The following ZNF891 variants were observed in gnomAD, a reference collection of about 807,000 sequenced individuals.
The protein encoded by ZNF891 is hCG1646157.
For missense variants in ZNF891, 589 were observed against 632.7 expected (o/e 0.93, Z 0.74); for synonymous variants, 199 against 209.0 (o/e 0.95, Z 0.41).
In ZNF891 at chr12:133,109,004, A is replaced by G. The variant is rs1955660763; in HGVS notation, c.*11280T>C. The G allele has an allele frequency of 6.6e-6, 1 of 152,208 alleles. No individual in the cohort carries two copies. The highest frequency in any genetic ancestry group is 2.1e-4 in the South Asian group (1 of 4,836). The allele number at this position is 152,208 out of a possible 1,614,324, so 9.4% of individuals were successfully genotyped here. A position where few individuals can be genotyped will look rare whatever the true frequency, so the allele number is the denominator to read the frequency against. On this transcript the variant is annotated 3_prime_UTR_variant, in exon 2 of 2. Transcript: ENST00000537226. Reference sequence around the variant, plus strand: ...GGAAGAATTGTCTTGGGCCACATATAAAATACGTGAACACTAATGATAGCT... The same window carrying G: ...GGAAGAATTGTCTTGGGCCACATATGAAATACGTGAACACTAATGATAGCT...
At position 133,113,598 on chromosome 12, in the gene ZNF891, ATT is replaced by A. The variant is rs1326799207; in HGVS notation, c.*6684_*6685del. 1 of 152,202 alleles carries A rather than the reference ATT, an allele frequency of 6.6e-6. No individual in the cohort carries two copies. Among genetic ancestry groups the A allele is most frequent in the Admixed American group, 6.5e-5 (1 of 15,270 alleles). The allele number at this position is 152,202 out of a possible 1,614,324, so 9.4% of individuals were successfully genotyped here. On this transcript the variant is annotated 3_prime_UTR_variant, in exon 2 of 2. Transcript: ENST00000537226. ...TCACTAGGGCATGAAACAGGTGAAT[ATT>A]GTTACTTATACATGAAAAATCCTTT...
chr12:133,106,002 A>G lies in ZNF891; in HGVS notation c.*14282T>C, dbSNP rs1593811758. ...GAACACCAGAGAACGCACACTGGGGAGAAACCTTATGAATGTACTGAGTGT... is the reference window on the plus strand; with the variant it reads ...GAACACCAGAGAACGCACACTGGGGGGAAACCTTATGAATGTACTGAGTGT... On this transcript the variant is annotated 3_prime_UTR_variant, in exon 2 of 2. Transcript: ENST00000537226. 1 of 1,614,158 alleles carries G rather than the reference A, an allele frequency of 6.2e-7. No individual in the cohort carries two copies. Among genetic ancestry groups the G allele is most frequent in the Non-Finnish European group, 8.5e-7 (1 of 1,180,042 alleles).
chr12:133,105,995 A>G lies in ZNF891; in HGVS notation c.*14289T>C, dbSNP rs1955577239. The G allele has an allele frequency of 6.2e-7, 1 of 1,614,146 alleles. No individual in the cohort carries two copies. Among genetic ancestry groups the G allele is most frequent in the Non-Finnish European group, 8.5e-7 (1 of 1,180,034 alleles). ...TCTTATTGAACACCAGAGAACGCAC[A>G]CTGGGGAGAAACCTTATGAATGTAC... On this transcript the variant is annotated 3_prime_UTR_variant, in exon 2 of 2. Coordinates refer to ENST00000537226, the MANE Select transcript of ZNF891 (RefSeq NM_001277291.2).
intron 1 of ZNF891, chr12:133,122,279 AT>A (rs753767135): frequency 1.0e-6 from 1 of 983,456 alleles, no homozygotes; most frequent in Non-Finnish European, 1.2e-6. Context: ...GGCATGAGTT[AT>A]TTTTAAAAAT....
Position 133,105,536 on chromosome 12 carries a change from G to C in ZNF891, c.*14748C>G. Reference sequence around the variant, plus strand: ...TTCAGAGTCAAGTGGTGAGATCAAAGACTTTTCACCAAAAAATGTCATTTA... The same window carrying C: ...TTCAGAGTCAAGTGGTGAGATCAAACACTTTTCACCAAAAAATGTCATTTA... On this transcript the variant is annotated 3_prime_UTR_variant, in exon 2 of 2. Transcript: ENST00000537226. 6.2e-7 allele frequency: 1 copy of C among 1,609,196 alleles called. No individual in the cohort carries two copies. The highest frequency in any genetic ancestry group is 8.5e-7 in the Non-Finnish European group (1 of 1,178,346).
chr12:133,120,711 G>C lies in ZNF891; in HGVS notation c.1208C>G (p.Pro403Arg). The C allele has an allele frequency of 6.4e-7, 1 of 1,565,774 alleles. No homozygotes were observed. The highest frequency in any genetic ancestry group is 1.2e-5 in the South Asian group (1 of 85,440). Residue 403 changes from proline to arginine, a missense_variant, in exon 2 of 2, where the codon CCT (proline) becomes CGT (arginine). Transcript: ENST00000537226. ...AHMRTHTGEK[P>R]YECNQCGKSF... ...TTTTCCACACTGATTACATTCATAA[G>C]GTTTCTCTCCAGTGTGAGTTCTCAT...
Position 133,109,494 on chromosome 12 carries a change from A to AGT in ZNF891, c.*10789_*10790insAC, listed in dbSNP as rs1182935608. ...CATATGGTTGAAGCCAGTTCACTTA[A>AGT]ATATTCTCAAGTTCACTTAAATATT... On this transcript the variant is annotated 3_prime_UTR_variant, in exon 2 of 2. Transcript: ENST00000537226. 6.7e-6 allele frequency: 1 copy of AGT among 150,202 alleles called. No homozygotes were observed. The highest frequency in any genetic ancestry group is 2.1e-4 in the South Asian group (1 of 4,828). The allele number at this position is 150,202 out of a possible 1,614,324, so 9.3% of individuals were successfully genotyped here. A position where few individuals can be genotyped will look rare whatever the true frequency, so the allele number is the denominator to read the frequency against.
rs2137605840 is a variant in ZNF891 at position 133,108,673 on chromosome 12, G to A, written c.*11611C>T. 6.6e-6 allele frequency: 1 copy of A among 152,310 alleles called. No homozygotes were observed. Among genetic ancestry groups the A allele is most frequent in the East Asian group, 1.9e-4 (1 of 5,176 alleles). 9.4% of individuals were successfully genotyped at this position (152,310 alleles called of 1,614,324 possible). On this transcript the variant is annotated 3_prime_UTR_variant, in exon 2 of 2. Coordinates refer to ENST00000537226, the MANE Select transcript of ZNF891 (RefSeq NM_001277291.2). The stretch of plus-strand genomic sequence containing the variant: ...ATCTTTGCCCTCTAGTTTTTGTTGA[G>A]TGCAGCCAACATTGAGAACGTTTAC...
chr12:133,112,548 T>G lies in ZNF891; in HGVS notation c.*7736A>C, dbSNP rs1348434562. On this transcript the variant is annotated 3_prime_UTR_variant, in exon 2 of 2. Coordinates refer to ENST00000537226, the MANE Select transcript of ZNF891 (RefSeq NM_001277291.2). ...GTTGCCCAGGCTGGTCTTGAACTCT[T>G]GAGCTCAGGCAATCCACCCACCTCT... 1 of 152,422 alleles carries G rather than the reference T, an allele frequency of 6.6e-6. No homozygotes were observed. Among genetic ancestry groups the G allele is most frequent in the African/African-American group, 2.4e-5 (1 of 41,458 alleles). 9.4% of individuals were successfully genotyped at this position (152,422 alleles called of 1,614,324 possible). A position where few individuals can be genotyped will look rare whatever the true frequency, so the allele number is the denominator to read the frequency against.
intron 1 of ZNF891, chr12:133,125,542 T>C (rs1436231003): frequency 3.8e-5 from 7 of 183,012 alleles, no homozygotes; most frequent in Non-Finnish European, 6.8e-5. Context: ...AGCAAAGGCT[T>C]TGAAGGTCAA....
In ZNF891 at chr12:133,120,230, G is replaced by A; in HGVS notation, c.*54C>T. The A allele has an allele frequency of 7.3e-7, 1 of 1,368,044 alleles. No homozygotes were observed. The highest frequency in any genetic ancestry group is 9.7e-7 in the Non-Finnish European group (1 of 1,032,320). The allele number at this position is 1,368,044 out of a possible 1,614,324, so 84.7% of individuals were successfully genotyped here. On this transcript the variant is annotated 3_prime_UTR_variant, in exon 2 of 2. Transcript: ENST00000537226. Reference sequence around the variant, plus strand: ...TTTAGAGAACAAAGACTGAGACAAGGAGCTTGGAATCCACCTTAAGACAAT... The same window carrying A: ...TTTAGAGAACAAAGACTGAGACAAGAAGCTTGGAATCCACCTTAAGACAAT...
At position 133,119,730 on chromosome 12, in the gene ZNF891, C is replaced by T. The variant is rs972431669; in HGVS notation, c.*554G>A. 6 of 152,384 alleles carry T rather than the reference C, an allele frequency of 3.9e-5. No individual in the cohort carries two copies. The highest frequency in any genetic ancestry group is 1.4e-4 in the African/African-American group (6 of 41,406). The allele number at this position is 152,384 out of a possible 1,614,324, so 9.4% of individuals were successfully genotyped here. A position where few individuals can be genotyped will look rare whatever the true frequency, so the allele number is the denominator to read the frequency against. On this transcript the variant is annotated 3_prime_UTR_variant, in exon 2 of 2. Coordinates refer to ENST00000537226, the MANE Select transcript of ZNF891 (RefSeq NM_001277291.2). ...CTCTTTCAGCAGCTTCAGGAATGGC[C>T]AATTCATAGGGACAAAGATGAAGTG...
rs541958858 is a variant in ZNF891 at position 133,126,920 on chromosome 12, A to G, written c.-107+3307T>C. Among the ~76,000 whole-genome samples, 6 of 151,954 alleles carry G rather than the reference A, an allele frequency of 3.9e-5. No homozygotes were observed. The East Asian group carries it at 5.8e-4, about 15-fold the overall frequency. ...ATTTAAGGTACCCCAGATTACTCAG[A>G]GTTCCAGAAAGAAAAAACAAGAGGA... On this transcript the variant is annotated intron_variant, in intron 1 of 1. Transcript: ENST00000537226.
Position 133,119,915 on chromosome 12 carries a change from T to A in ZNF891, c.*369A>T. 1 of 172,870 alleles carries A rather than the reference T, an allele frequency of 5.8e-6. No individual in the cohort carries two copies. Among genetic ancestry groups the A allele is most frequent in the Non-Finnish European group, 1.2e-5 (1 of 80,424 alleles). The allele number at this position is 172,870 out of a possible 1,614,324, so 10.7% of individuals were successfully genotyped here. A position where few individuals can be genotyped will look rare whatever the true frequency, so the allele number is the denominator to read the frequency against. ...TCTTGGCTAAGATGGAATTCATTAG[T>A]AAGGAAAGATGAGCTCAAATGTTTG... On this transcript the variant is annotated 3_prime_UTR_variant, in exon 2 of 2. Transcript: ENST00000537226.
At chr12:133,123,094 G>T (rs1022495616) in intron 1 of ZNF891, among the ~76,000 whole-genome samples, 1 of 152,146 alleles carries the variant, frequency 6.6e-6, no homozygotes, top group Non-Finnish European at 1.5e-5. Flanking sequence ...ACCGTCAAAT[G>T]CAAGTCTTTT....
At chr12:133,124,111 CT>C in intron 1 of ZNF891, among the ~76,000 whole-genome samples, 1 of 152,092 alleles carries the variant, frequency 6.6e-6, no homozygotes. Context: ...TTATAAATCT[CT>C]AGTAAGTAAA....
At position 133,118,128 on chromosome 12, in the gene ZNF891, A is replaced by T. The variant is rs1338297528; in HGVS notation, c.*2156T>A. The T allele has an allele frequency of 4.6e-5, 7 of 152,080 alleles. No homozygotes were observed. The East Asian group carries it at 1.2e-3, about 25-fold the overall frequency. The allele number at this position is 152,080 out of a possible 1,614,324, so 9.4% of individuals were successfully genotyped here. On this transcript the variant is annotated 3_prime_UTR_variant, in exon 2 of 2. Transcript: ENST00000537226. ...ACCCGGCTAATTTTTGTATTTTAGT[A>T]GAACCAGGGTTTCACCATGTTGGCC... is the stretch of plus-strand genomic sequence containing the variant.
Position 133,108,508 on chromosome 12 carries a change from G to C in ZNF891, c.*11776C>G, listed in dbSNP as rs1955655338. 2.0e-5 allele frequency: 3 copies of C among 152,106 alleles called. No individual in the cohort carries two copies. The highest frequency in any genetic ancestry group is 2.0e-4 in the Admixed American group (3 of 15,254). 9.4% of individuals were successfully genotyped at this position (152,106 alleles called of 1,614,324 possible). ...CTATATCAGAGGTCATCAAGCTACA[G>C]CCCATGGGCCAGGTATTCATTTACA... On this transcript the variant is annotated 3_prime_UTR_variant, in exon 2 of 2. Coordinates refer to ENST00000537226, the MANE Select transcript of ZNF891 (RefSeq NM_001277291.2).
rs1195861152 is a variant in ZNF891, at chr12:133,108,655, C to A, written c.*11629G>T. The A allele has an allele frequency of 6.6e-6, 1 of 152,280 alleles. No homozygotes were observed. The highest frequency in any genetic ancestry group is 1.5e-5 in the Non-Finnish European group (1 of 68,038). The allele number at this position is 152,280 out of a possible 1,614,324, so 9.4% of individuals were successfully genotyped here. ...AACCCCTGACTACATCAAATCTTTG[C>A]CCTCTAGTTTTTGTTGAGTGCAGCC... On this transcript the variant is annotated 3_prime_UTR_variant, in exon 2 of 2. Coordinates refer to ENST00000537226, the MANE Select transcript of ZNF891 (RefSeq NM_001277291.2).
Sources: allele counts gnomAD v4.1 joint callset (sites outside exome capture counted in the v4.1 genomes callset), GRCh38; gene constraint gnomAD v4.1.1; transcripts MANE v1.5; gene names NCBI Gene and HGNC (gene_info 2026-07-23, HGNC 2026-07-21).